IL20RB: variants seen among roughly 807,000 people sequenced by gnomAD.
The protein encoded by IL20RB is interleukin-20 receptor subunit beta.
Under a neutral mutation model 33.3 loss-of-function variants are expected in IL20RB, and 21 were observed. That is an observed-to-expected ratio of 0.63 (90% CI 0.45 to 0.91). The LOEUF is 0.91. Among genes scored for constraint, IL20RB ranks in the 40% least tolerant of loss-of-function variants. IL20RB has a pLI of 0.00. For synonymous variants in IL20RB, 147 were observed against 146.8 expected, an observed-to-expected ratio of 1.00 and a Z score of -0.01; for missense variants, 345 against 384.8, an observed-to-expected ratio of 0.90 and a Z score of 0.86.
At chr3:136,966,371 G>A (rs371925522) in intron 1 of IL20RB, among the ~76,000 whole-genome samples, 7 of 72,876 alleles carry the variant, frequency 9.6e-5, no homozygotes, top group South Asian at 1.0e-3. Flanking sequence ...CCACAATTTC[G>A]GAGCCTGTTA....
Position 136,992,118 on chromosome 3 carries a change from C to T in IL20RB, c.682+30C>T, listed in dbSNP as rs202130880. On this transcript the variant is annotated intron_variant, in intron 5 of 6. Transcript: ENST00000329582. Reference sequence around the variant, plus strand: ...GGATGGCTTCTCTGTCCCTGGAGCCCTGCACAGGTGATAGCCCCTCCTGGC... The same window carrying T: ...GGATGGCTTCTCTGTCCCTGGAGCCTTGCACAGGTGATAGCCCCTCCTGGC... The T allele has an allele frequency of 4.5e-4, 730 of 1,610,482 alleles. 7 individuals are homozygous for T. In the African/African-American group the frequency reaches 7.9e-3, roughly 17 times the overall value.
intron 6 of IL20RB, among the ~76,000 whole-genome samples, chr3:136,999,534 TCCCAGCC>T (rs1166365184): frequency 1.3e-5 from 2 of 150,238 alleles, no homozygotes. Flanking sequence ...GAGCCACTGC[TCCCAGCC>T]CATATTTCTT....
At chr3:137,001,404 A>G (rs1044999921) in intron 6 of IL20RB, among the ~76,000 whole-genome samples, 1 of 152,240 alleles carries the variant, frequency 6.6e-6, no homozygotes, top group South Asian at 2.1e-4. Flanking sequence ...ACTAGCGTCC[A>G]TTGAATCCCG....
intron 6 of IL20RB, among the ~76,000 whole-genome samples, chr3:137,002,597 C>A (rs566437826): frequency 6.6e-6 from 1 of 151,932 alleles, no homozygotes; most frequent in South Asian, 2.1e-4. Context: ...CTGTTCATAT[C>A]CTTTGCCCAC....
Position 136,995,399 on chromosome 3 carries a change from A to T in IL20RB, c.683-15A>T. On this transcript the variant is annotated splice_polypyrimidine_tract_variant and intron_variant, in intron 5 of 6. Transcript: ENST00000329582. Reference sequence around the variant, plus strand: ...GCTGCTGTTTTCTAAGCCTGTTTTTATCTTTTGTTTCCAGGAGAGGCCATT... The same window carrying T: ...GCTGCTGTTTTCTAAGCCTGTTTTTTTCTTTTGTTTCCAGGAGAGGCCATT... 6.2e-7 allele frequency: 1 copy of T among 1,612,762 alleles called. No homozygotes were observed. The highest frequency in any genetic ancestry group is 1.1e-5 in the South Asian group (1 of 90,904).
chr3:136,991,974 G>A lies in IL20RB; in HGVS notation c.568G>A (p.Val190Met), dbSNP rs763973669. 6.2e-7 allele frequency: 1 copy of A among 1,614,086 alleles called. No individual in the cohort carries two copies. Among genetic ancestry groups the A allele is most frequent in the Non-Finnish European group, 8.5e-7 (1 of 1,180,050 alleles). The change falls in exon 5 of 7, where the codon GTG becomes ATG. Residue 190 changes from valine to methionine, a missense_variant. Val to Met is a conservative substitution (Grantham distance 21, BLOSUM62 1). Coordinates refer to ENST00000329582, the MANE Select transcript of IL20RB (RefSeq NM_144717.4). Reference sequence around the variant, plus strand: ...AATGGTGAGGAGTGGGGGTATTCCAGTGCACCTAGAAACCATGGAGCCAGG... The same window carrying A: ...AATGGTGAGGAGTGGGGGTATTCCAATGCACCTAGAAACCATGGAGCCAGG... ...VKMVRSGGIPVHLETMEPGAA... is the reference protein window; with the variant it reads ...VKMVRSGGIPMHLETMEPGAA...
intron 6 of IL20RB, among the ~76,000 whole-genome samples, chr3:137,008,531 T>G (rs1176572257): frequency 6.6e-6 from 1 of 152,162 alleles, no homozygotes; most frequent in East Asian, 1.9e-4. Context: ...GAGCTTTGCT[T>G]GAAAATTAGT....
chr3:136,997,855 C>T (rs546525447), intron 6 of IL20RB, among the ~76,000 whole-genome samples: 1 of 151,926 alleles, frequency 6.6e-6, no homozygotes, highest in Non-Finnish European at 1.5e-5. Context: ...CTCACTGCAA[C>T]CTCTGCCTCC....
At chr3:136,958,473 T>G (rs1344698219) in intron 1 of IL20RB, among the ~76,000 whole-genome samples, 1 of 152,240 alleles carries the variant, frequency 6.6e-6, no homozygotes, top group African/African-American at 2.4e-5. Context: ...TGCACTTTGT[T>G]ACTTATCTCA....
At chr3:136,959,001 G>A (rs1314452370) in intron 1 of IL20RB, 1 of 151,622 alleles carries the variant, frequency 6.6e-6, no homozygotes, top group African/African-American at 2.4e-5. Flanking sequence ...ATTCTAGTTA[G>A]TTTACATCAG....
rs1933077805 is a variant in IL20RB at position 137,010,782 on chromosome 3, T to G, written c.*559T>G. 2 of 152,260 alleles carry G rather than the reference T, an allele frequency of 1.3e-5. No homozygotes were observed. The highest frequency in any genetic ancestry group is 4.1e-4 in the South Asian group (2 of 4,822). The allele number at this position is 152,260 out of a possible 1,614,324, so 9.4% of individuals were successfully genotyped here. A position where few individuals can be genotyped will look rare whatever the true frequency, so the allele number is the denominator to read the frequency against. The stretch of plus-strand genomic sequence containing the variant: ...GAATCATGGGAGCAATGGTGTTGAG[T>G]TCACTTCAAGCCCAATGCCGGTGCA... On this transcript the variant is annotated 3_prime_UTR_variant, in exon 7 of 7. Transcript: ENST00000329582.
intron 1 of IL20RB, among the ~76,000 whole-genome samples, chr3:136,970,644 TTCCTTCCTTCCTTCCTTC>T (rs1941453681): frequency 6.6e-6 from 1 of 150,824 alleles, no homozygotes; most frequent in African/African-American, 2.4e-5. Flanking sequence ...CCTTCCTTCC[TTCCTTCCTTCCTTCCTTC>T]CTTTTTTTGA....
intron 1 of IL20RB, among the ~76,000 whole-genome samples, chr3:136,972,275 G>A (rs967918095): frequency 5.9e-5 from 9 of 152,096 alleles, no homozygotes; most frequent in Admixed American, 2.0e-4. Context: ...CCCATTCAAC[G>A]GATTGTCTCT....
At chr3:137,002,403 T>C (rs1942263857) in intron 6 of IL20RB, among the ~76,000 whole-genome samples, 1 of 152,170 alleles carries the variant, frequency 6.6e-6, no homozygotes, top group Non-Finnish European at 1.5e-5. Flanking sequence ...AGTGTAAAAG[T>C]GTTCCTATTT....
Position 136,985,093 on chromosome 3 carries a change from A to G in IL20RB, c.406+2743A>G, listed in dbSNP as rs536611716. Among the ~76,000 whole-genome samples, 397 of 152,346 alleles carry G rather than the reference A, an allele frequency of 2.6e-3. 4 individuals carry two copies. Among genetic ancestry groups the G allele is most frequent in the African/African-American group, 8.3e-3 (346 of 41,580 alleles). ...AAACCTTGTACTTACGAAGGCCTGTATAAACAGGAAAAGAGCTTGCTGCAG... is the reference window on the plus strand; with the variant it reads ...AAACCTTGTACTTACGAAGGCCTGTGTAAACAGGAAAAGAGCTTGCTGCAG... On this transcript the variant is annotated intron_variant, in intron 3 of 6. Coordinates refer to ENST00000329582, the MANE Select transcript of IL20RB (RefSeq NM_144717.4).
rs769191141 is a variant in IL20RB, at chr3:136,980,581, C to T, written c.204C>T (p.Val68=). 23 of 1,614,048 alleles carry T rather than the reference C, an allele frequency of 1.4e-5. No homozygotes were observed. The highest frequency in any genetic ancestry group is 1.6e-4 in the Middle Eastern group (1 of 6,078). ...CTGGAGAAACAGTGTACTATTCTGT[C>T]GAATACCAGGGGTGAGTTTTTTCTT... ...IAPGETVYYS[V]EYQGEYESLY... is the part of the protein sequence containing the mutation. The change falls in exon 2 of 7, where the codon GTC becomes GTT. Residue 68 remains valine, a synonymous_variant. Coordinates refer to ENST00000329582, the MANE Select transcript of IL20RB (RefSeq NM_144717.4).
chr3:136,958,629 C>T (rs957505215), intron 1 of IL20RB, among the ~76,000 whole-genome samples: 2 of 152,120 alleles, frequency 1.3e-5, no homozygotes, highest in African/African-American at 2.4e-5. Flanking sequence ...ACATTGGATA[C>T]GAGACTTATA....
intron 3 of IL20RB, among the ~76,000 whole-genome samples, chr3:136,986,163 A>G (rs1445625488): frequency 6.6e-6 from 1 of 152,072 alleles, no homozygotes; most frequent in Non-Finnish European, 1.5e-5. Flanking sequence ...CAGTGAGCCA[A>G]GATCGGGCCA....
At chr3:137,006,293 T>C (rs1942348591) in intron 6 of IL20RB, among the ~76,000 whole-genome samples, 1 of 152,212 alleles carries the variant, frequency 6.6e-6, no homozygotes, top group South Asian at 2.1e-4. Flanking sequence ...CTGTATTTCC[T>C]GAATTTGCAT....
Sources: gnomAD v4.1 joint callset for allele counts (sites outside exome capture counted in the v4.1 genomes callset) on GRCh38, gnomAD v4.1.1 for gene constraint, MANE v1.5 for transcripts, NCBI Gene and HGNC (gene_info 2026-07-23, HGNC 2026-07-21) for gene names.